URGCP: variants seen among roughly 807,000 people sequenced by gnomAD.
The protein encoded by URGCP is upregulator of cell proliferation.
In URGCP, 13 loss-of-function variants were observed where a neutral mutation model predicts 24.6. That is an observed-to-expected ratio of 0.53 (90% CI 0.34 to 0.84). The LOEUF (loss-of-function observed/expected upper bound fraction) is 0.84, where lower values mean the gene tolerates loss of function less well. Among genes scored for constraint, URGCP ranks in the 40% least tolerant of loss-of-function variants. The pLI is 0.01. For missense variants in URGCP, 899 were observed against 1,194.3 expected, an observed-to-expected ratio of 0.75 and a Z score of 3.64; for synonymous variants, 444 against 487.2, an observed-to-expected ratio of 0.91 and a Z score of 1.17.
chr7:43,917,903 G>A (rs2095917127), intron 1 of URGCP, among the ~76,000 whole-genome samples: 1 of 152,046 alleles, frequency 6.6e-6, no homozygotes, highest in South Asian at 2.1e-4. Context: ...GGTTGAGGCT[G>A]CAGTGAGCCA....
intron 5 of URGCP, 29 bp downstream of exon 5, chr7:43,881,630 C>G (rs763589809): frequency 1.2e-6 from 2 of 1,613,814 alleles, no homozygotes; most frequent in Non-Finnish European, 1.7e-6. Flanking sequence ...TTTCATAGAA[C>G]AGAGAGAAAA....
rs570484506 is a variant in URGCP, at chr7:43,901,807, A to G, written c.14+4755T>C. On this transcript the variant is annotated intron_variant, in intron 1 of 5. Transcript: ENST00000453200. ...AGCCTTTCCCTTCCCATAAAATGACAGTGGTGGGAGAGAATCTTCCTGGAC... is the reference window on the plus strand; with the variant it reads ...AGCCTTTCCCTTCCCATAAAATGACGGTGGTGGGAGAGAATCTTCCTGGAC... 2.0e-5 allele frequency among the ~76,000 whole-genome samples: 3 copies of G among 152,256 alleles called. No homozygotes were observed. In the South Asian group the frequency reaches 6.2e-4, roughly 32 times the overall value.
In URGCP at chr7:43,878,667, C is replaced by T. The variant is rs571911766; in HGVS notation, c.796G>A (p.Val266Met). The T allele has an allele frequency of 1.4e-5, 23 of 1,613,470 alleles. No individual in the cohort carries two copies. The highest frequency in any genetic ancestry group is 9.9e-5 in the South Asian group (9 of 91,090). The change falls in exon 6 of 6, where the codon GTG (valine) becomes ATG (methionine). Residue 266 changes from valine (V) to methionine (M), a missense_variant. By Grantham distance (21) the Val-to-Met change is conservative. Coordinates refer to ENST00000453200, the MANE Select transcript of URGCP (RefSeq NM_001077663.3). This position sits in a 1 kb window ranked among gnomAD's most constrained non-coding sequence, Gnocchi z 5.6. ...GAGTTGCTACTGACGTCCATGCGCA[C>T]GAAGGCGAAGGCGGGCGCCCTGGAC... is the stretch of plus-strand genomic sequence containing the variant. ...VLSRAPAFAF[V>M]RMDVSSNSKS...
At position 43,877,903 on chromosome 7, in the gene URGCP, G is replaced by C; in HGVS notation, c.1560C>G (p.Pro520=). 1 of 1,613,954 alleles carries C rather than the reference G, an allele frequency of 6.2e-7. No homozygotes were observed. Among genetic ancestry groups the C allele is most frequent in the Non-Finnish European group, 8.5e-7 (1 of 1,179,988 alleles). Residue 520 remains proline (P), a synonymous_variant, in exon 6 of 6, where the codon CCC becomes CCG. Transcript: ENST00000453200. ...TCAGCTCAGCCCTGTGCTTCTCAGG[G>C]GGGTCCACGGCCCACTGGAGCTGGC... ...EFCQLQWAVD[P]PEKHRAELRR...
At chr7:43,880,799 C>A (rs1431085982) in intron 5 of URGCP, among the ~76,000 whole-genome samples, 2 of 152,198 alleles carry the variant, frequency 1.3e-5, no homozygotes, top group African/African-American at 4.8e-5. Flanking sequence ...CAGTTCCTTT[C>A]TCGAGAGAGG....
chr7:43,913,380 T>A (rs909407635), intron 1 of URGCP, among the ~76,000 whole-genome samples: 15 of 151,910 alleles, frequency 9.9e-5, no homozygotes, highest in African/African-American at 2.4e-4. Flanking sequence ...GGCTATTTTT[T>A]TTTTTTATTT....
At chr7:43,912,627 G>A in intron 1 of URGCP, among the ~76,000 whole-genome samples, 1 of 152,024 alleles carries the variant, frequency 6.6e-6, no homozygotes, top group East Asian at 1.9e-4. Flanking sequence ...TTTTGATAGG[G>A]ATTACATTGT....
chr7:43,922,738 G>A (rs2095923822), intron 1 of URGCP, among the ~76,000 whole-genome samples: 1 of 151,770 alleles, frequency 6.6e-6, no homozygotes, highest in Admixed American at 6.6e-5. Context: ...TCTGCTTTTG[G>A]TGAAGAAAAA....
In URGCP at chr7:43,877,096, T is replaced by C. The variant is rs1585783081; in HGVS notation, c.2367A>G (p.Leu789=). 6.2e-7 allele frequency: 1 copy of C among 1,614,248 alleles called. No individual in the cohort carries two copies. The highest frequency in any genetic ancestry group is 8.5e-7 in the Non-Finnish European group (1 of 1,180,028). Reference sequence around the variant, plus strand: ...CTGCTGGAATGTCCTTGGTTTCAGCTAGACTGATCACGGTGACATTGCTCA... The same window carrying C: ...CTGCTGGAATGTCCTTGGTTTCAGCCAGACTGATCACGGTGACATTGCTCA... The part of the protein sequence containing the change: ...MGLSNVTVIS[L]AETKDIPAAI... The change falls in exon 6 of 6, where the codon CTA becomes CTG. Residue 789 remains leucine, a synonymous_variant. Coordinates refer to ENST00000453200, the MANE Select transcript of URGCP (RefSeq NM_001077663.3).
intron 1 of URGCP, among the ~76,000 whole-genome samples, chr7:43,904,229 T>A (rs950362607): frequency 1.3e-5 from 2 of 152,240 alleles, no homozygotes; most frequent in Admixed American, 1.3e-4. Context: ...CCAAACACAC[T>A]GGGCCATGGG....
upstream of URGCP, chr7:43,926,681 G>A (rs2095931649): frequency 4.7e-6 from 5 of 1,064,840 alleles, no homozygotes; most frequent in South Asian, 3.8e-5. Context: ...TGCCTGGGAA[G>A]GAGGCAGAAC....
chr7:43,897,452 G>A (rs1452659273), intron 1 of URGCP, among the ~76,000 whole-genome samples: 1 of 152,096 alleles, frequency 6.6e-6, no homozygotes, highest in Non-Finnish European at 1.5e-5. Flanking sequence ...ACGTACCCAG[G>A]GACCAACAGG....
upstream of URGCP, among the ~76,000 whole-genome samples, chr7:43,908,078 A>G (rs1015311479): frequency 5.9e-5 from 9 of 152,164 alleles, no homozygotes; most frequent in Admixed American, 6.6e-5. Flanking sequence ...TCAAACTAAA[A>G]GAATTTTTTC....
chr7:43,897,436 G>C (rs1438565203), intron 1 of URGCP, among the ~76,000 whole-genome samples: 1 of 152,076 alleles, frequency 6.6e-6, no homozygotes, highest in African/African-American at 2.4e-5. Context: ...CGGGGCAAAG[G>C]CCCTAACGTA....
At chr7:43,883,353 TA>T (rs1245563906) in intron 3 of URGCP, among the ~76,000 whole-genome samples, 49 of 100,796 alleles carry the variant, frequency 4.9e-4, no homozygotes, top group African/African-American at 2.4e-3. Context: ...TATATATATA[TA>T]TATATATATT....
At chr7:43,881,279 C>T (rs1265221689) in intron 5 of URGCP, 1 of 700,812 alleles carries the variant, frequency 1.4e-6, no homozygotes, top group Non-Finnish European at 2.6e-6. Flanking sequence ...TCCTGATCTG[C>T]AAATGAAGGC....
intron 1 of URGCP, among the ~76,000 whole-genome samples, chr7:43,896,359 G>A (rs2095878378): frequency 6.6e-6 from 1 of 152,046 alleles, no homozygotes; most frequent in Non-Finnish European, 1.5e-5. Context: ...AGGAGGCTGA[G>A]GTAGGAGAAT....
chr7:43,892,663 C>G (rs533091190), intron 1 of URGCP, among the ~76,000 whole-genome samples: 3 of 152,128 alleles, frequency 2.0e-5, no homozygotes, highest in East Asian at 3.8e-4. Context: ...AAATCACACC[C>G]TATCTCCAAA....
chr7:43,895,937 C>T (rs993259457), intron 1 of URGCP, among the ~76,000 whole-genome samples: 4 of 152,172 alleles, frequency 2.6e-5, no homozygotes, highest in African/African-American at 9.7e-5. Flanking sequence ...ATCAATGTAA[C>T]TGTCTATCAA....
Sources: allele counts gnomAD v4.1 joint callset (sites outside exome capture counted in the v4.1 genomes callset), GRCh38; gene constraint gnomAD v4.1.1; non-coding constraint Gnocchi (gnomAD v3.1); transcripts MANE v1.5; gene names NCBI Gene and HGNC (gene_info 2026-07-23, HGNC 2026-07-21).